FN1: variants seen among roughly 807,000 people sequenced by gnomAD.
FN1 encodes the protein fibronectin.
FN1 carries 106 observed loss-of-function variants against 297.3 expected under a neutral mutation model. The observed-to-expected ratio is 0.36, with a 90% confidence interval of 0.30 to 0.42. FN1 has a LOEUF of 0.42. Ranked by LOEUF, FN1 falls within the 10% of genes least tolerant of loss-of-function variation. FN1 has a pLI of 1.00. For synonymous variants in FN1, 1,149 were observed against 1,152.6 expected (o/e 1.00, Z 0.06); for missense variants, 2,690 against 3,124.9 (o/e 0.86, Z 3.32).
In FN1 at chr2:215,384,155, C is replaced by T. The variant is rs147655202; in HGVS notation, c.4759G>A (p.Val1587Met). 1.9e-4 allele frequency: 309 copies of T among 1,614,122 alleles called. 1 individual carries two copies. The East Asian group carries it at 6.8e-3, about 36-fold the overall frequency. ...GTAGCTGTAGACTTGCTCCCAGGCA[C>T]AGTGAACTCCTGGACAGGGCTATTT... ...GGNSPVQEFT[V>M]PGSKSTATIS... The change falls in exon 30 of 46, where the codon GTG (valine) becomes ATG (methionine). Residue 1587 changes from valine (V) to methionine (M), a missense_variant. By Grantham distance (21) the Val-to-Met change is conservative. Transcript: ENST00000354785.
At chr2:215,428,612 C>G (rs568822044) in intron 5 of FN1, among the ~76,000 whole-genome samples, 1 of 152,322 alleles carries the variant, frequency 6.6e-6, no homozygotes, top group East Asian at 1.9e-4. Context: ...GTTCCTTTGA[C>G]TAACTTCATT....
chr2:215,365,705 A>T (rs904242324), intron 42 of FN1, 75 bp from the exon 43 acceptor site: 2 of 1,456,834 alleles, frequency 1.4e-6, no homozygotes, highest in Admixed American at 3.4e-5. Flanking sequence ...GTGAACTGGG[A>T]CGTGTCACAG....
chr2:215,422,415 A>G (rs574878533), intron 9 of FN1, among the ~76,000 whole-genome samples, 172 bp from the exon 10 acceptor site: 1 of 152,320 alleles, frequency 6.6e-6, no homozygotes, highest in Admixed American at 6.5e-5. Flanking sequence ...AGAATTTTTG[A>G]GCCCTGGAGG....
rs767318542 is a variant in FN1, at chr2:215,434,681, C to G, written c.277+15G>C. ...GTATTAAAAGATACTAACTATGGGG[C>G]TTGTTGTCACTTACCTTCAGGTTTA... On this transcript the variant is annotated intron_variant, in intron 2 of 45. Coordinates refer to ENST00000354785, the MANE Select transcript of FN1 (RefSeq NM_212482.4). 4 of 1,613,972 alleles carry G rather than the reference C, an allele frequency of 2.5e-6. No homozygotes were observed. The South Asian group carries it at 4.4e-5, about 18-fold the overall frequency.
rs7422768 is a variant in FN1 at position 215,371,247 on chromosome 2, C to A, written c.6714+662G>T. 2.3e-3 allele frequency among the ~76,000 whole-genome samples: 345 copies of A among 151,902 alleles called. 3 individuals are homozygous for A. Among genetic ancestry groups the A allele is most frequent in the African/African-American group, 7.9e-3 (329 of 41,406 alleles). ...CACGCCACTGCACTCCAGCCAGGGC[C>A]ATAGAGCAAGACTCCATCTCGGGGA... On this transcript the variant is annotated intron_variant, in intron 40 of 45. Transcript: ENST00000354785.
Position 215,375,638 on chromosome 2 carries a change from C to T in FN1, c.5968G>A (p.Ala1990Thr), listed in dbSNP as rs573992192. 14 of 1,607,762 alleles carry T rather than the reference C, an allele frequency of 8.7e-6. No individual in the cohort carries two copies. The highest frequency in any genetic ancestry group is 4.5e-5 in the East Asian group (2 of 44,842). The change falls in exon 37 of 46, where the codon GCC becomes ACC. Residue 1990 changes from alanine to threonine, a missense_variant. This residue lies in a region of FN1 where 1,743 missense variants were observed against 1,945.2 expected (regional missense o/e 0.90). Transcript: ENST00000354785. ...NARSSPVVID[A>T]STAIDAPSNL... ...TAGAAGGTATAGTTACCAGTGGAGGCGTCGATGACCACAGGGGAGCTCCGA... is the reference window on the plus strand; with the variant it reads ...TAGAAGGTATAGTTACCAGTGGAGGTGTCGATGACCACAGGGGAGCTCCGA...
chr2:215,425,474 G>C (rs2065163961), intron 6 of FN1, among the ~76,000 whole-genome samples, 189 bp from the exon 7 acceptor site: 1 of 152,188 alleles, frequency 6.6e-6, no homozygotes, highest in East Asian at 1.9e-4. Flanking sequence ...TAATCCACAA[G>C]TGTCTACCAA....
chr2:215,434,666 A>G, intron 2 of FN1, 30 bp downstream of exon 2: 1 of 1,613,860 alleles, frequency 6.2e-7, no homozygotes, highest in Non-Finnish European at 8.5e-7. Flanking sequence ...GTATTAAAAG[A>G]TACTAACTAT....
rs1445413765 is a variant in FN1 at position 215,404,394 on chromosome 2, G to A, written c.3248C>T (p.Thr1083Ile). 1 of 1,613,778 alleles carries A rather than the reference G, an allele frequency of 6.2e-7. No individual in the cohort carries two copies. Among genetic ancestry groups the A allele is most frequent in the African/African-American group, 1.3e-5 (1 of 74,844 alleles). Residue 1083 changes from threonine (T) to isoleucine (I), a missense_variant, in exon 20 of 46, where the codon ACC (threonine) becomes ATC (isoleucine). By Grantham distance (89) the Thr-to-Ile change is moderately conservative (BLOSUM62 -1). Coordinates refer to ENST00000354785, the MANE Select transcript of FN1 (RefSeq NM_212482.4). ...GCACTTAATTTTCAGCTTACGTGTG[G>A]TAAAGACTCCAGTGGCTTTGGGGCT... The part of the protein sequence containing the change: ...QESPKATGVF[T>I]TLQPGSSIPP...
intron 39 of FN1, 99 bp from the exon 40 acceptor site, chr2:215,372,474 C>G (rs1021260294): frequency 1.1e-6 from 1 of 899,978 alleles, no homozygotes; most frequent in Admixed American, 1.9e-5. Flanking sequence ...GACTGTTCAT[C>G]AATTTGATAA....
chr2:215,435,591 A>G (rs1209124252), intron 1 of FN1, 64 bp downstream of exon 1: 7 of 1,606,338 alleles, frequency 4.4e-6, no homozygotes, highest in African/African-American at 2.7e-5. Context: ...TTCAGCCCCA[A>G]CTTTGGTCGG....
intron 13 of FN1, among the ~76,000 whole-genome samples, chr2:215,411,899 C>T (rs1360500651): frequency 1.3e-5 from 2 of 152,078 alleles, no homozygotes; most frequent in African/African-American, 2.4e-5. Context: ...GATCTCTTGA[C>T]CTCGTGATCC....
At position 215,384,809 on chromosome 2, in the gene FN1, A is replaced by G. The variant is rs747966624; in HGVS notation, c.4729+51T>C. ...TCACTGTTGGGCTTTCAGGTTATCC[A>G]CAACAGAATCTGATTTAATCAGAGT... On this transcript the variant is annotated intron_variant, in intron 29 of 45. Coordinates refer to ENST00000354785, the MANE Select transcript of FN1 (RefSeq NM_212482.4). 5.5e-6 allele frequency: 7 copies of G among 1,264,198 alleles called. No homozygotes were observed. In the South Asian group the frequency reaches 7.1e-5, roughly 13 times the overall value. 78.3% of individuals were successfully genotyped at this position (1,264,198 alleles called of 1,614,324 possible).
chr2:215,399,198 G>T, intron 21 of FN1, 59 bp downstream of exon 21: 2 of 1,260,846 alleles, frequency 1.6e-6, no homozygotes, highest in Non-Finnish European at 2.3e-6. Flanking sequence ...TCCACTACAT[G>T]GGAACCACAA....
At chr2:215,375,175 G>C (rs774128796) in intron 38 of FN1, 39 bp downstream of exon 38, 2 of 1,592,448 alleles carry the variant, frequency 1.3e-6, no homozygotes, top group Non-Finnish European at 1.7e-6. Context: ...TGTGTCCTAG[G>C]TAGTAAGAAG....
intron 32 of FN1, 30 bp from the exon 33 acceptor site, chr2:215,381,110 T>C (rs781303426): frequency 6.2e-6 from 10 of 1,612,064 alleles, no homozygotes; most frequent in Non-Finnish European, 8.5e-6. Flanking sequence ...TAAGAGGTTA[T>C]GTGAAAAGCA....
At chr2:215,398,637 T>G (rs946356457) in intron 21 of FN1, among the ~76,000 whole-genome samples, 1 of 152,232 alleles carries the variant, frequency 6.6e-6, no homozygotes, top group Non-Finnish European at 1.5e-5. Context: ...AGTCATGATT[T>G]CCAGCGATAA....
Position 215,422,233 on chromosome 2 carries a change from T to A in FN1, c.1404A>T (p.Glu468Asp), listed in dbSNP as rs1247868126. ...FGFCPMAAHE[E>D]ICTTNEGVMY... ...TGACCCCTTCATTGGTTGTGCAGAT[T>A]TCCTCGTGGGCTGTTTGGAAATGGA... The change falls in exon 10 of 46, where the codon GAA becomes GAT. Residue 468 changes from glutamate (E) to aspartate (D), a missense_variant. Around this residue, in one of 3 missense-constraint regions of FN1, gnomAD observed 876 missense variants for 1,058.1 expected, o/e 0.83. Coordinates refer to ENST00000354785, the MANE Select transcript of FN1 (RefSeq NM_212482.4). The A allele has an allele frequency of 1.9e-6, 3 of 1,614,014 alleles. No individual in the cohort carries two copies. The South Asian group carries it at 3.3e-5, about 18-fold the overall frequency.
At chr2:215,387,754 T>G in intron 27 of FN1, among the ~76,000 whole-genome samples, 1 of 152,152 alleles carries the variant, frequency 6.6e-6, no homozygotes, top group South Asian at 2.1e-4. Context: ...AAGAAAAAAT[T>G]AAAAGCATTC....
Sources: allele counts gnomAD v4.1 joint callset (sites outside exome capture counted in the v4.1 genomes callset), GRCh38; gene constraint gnomAD v4.1.1; regional missense constraint gnomAD v4.1.1; transcripts MANE v1.5; gene names NCBI Gene and HGNC (gene_info 2026-07-23, HGNC 2026-07-21).